Variants in PATJ observed in about 807,000 individuals in gnomAD.
PATJ encodes inaD-like protein.
A neutral mutation model predicts 224.9 loss-of-function variants in PATJ; 190 were observed. That is an observed-to-expected ratio of 0.84 (90% confidence interval 0.75 to 0.95). The LOEUF (loss-of-function observed/expected upper bound fraction) is 0.95, where lower values mean the gene tolerates loss of function less well. Ranked by LOEUF, PATJ falls within the 40% of genes least tolerant of loss-of-function variation. The probability of loss-of-function intolerance (pLI) is 0.00; values close to 1 mark genes in which losing one functional copy is unlikely to be tolerated. For synonymous variants in PATJ, 769 were observed against 820.3 expected, an observed-to-expected ratio of 0.94 and a Z score of 1.07; for missense variants, 2,121 against 2,270.3, an observed-to-expected ratio of 0.93 and a Z score of 1.34.
chr1:61,776,917 G>C (rs1646944628), intron 7 of PATJ, among the ~76,000 whole-genome samples: 1 of 151,976 alleles, frequency 6.6e-6, no homozygotes, highest in African/African-American at 2.4e-5. Flanking sequence ...AGTAGAGACG[G>C]GGTTTCACCG....
Position 62,128,867 on chromosome 1 carries a change from CGGG to C in PATJ, c.5194_5196del (p.Gly1732del). ...TTGGAGATCGGATTGTCAGCATTAACGGGCAACCTTTGGATGGGCTGTCTCACG... is the reference window on the plus strand; with the variant it reads ...TTGGAGATCGGATTGTCAGCATTAACCAACCTTTGGATGGGCTGTCTCACG... On this transcript the variant is annotated inframe_deletion, in exon 41 of 44. Coordinates refer to ENST00000642238, the MANE Select transcript of PATJ (RefSeq NM_001350145.3). 6.2e-7 allele frequency: 1 copy of C among 1,612,624 alleles called. No homozygotes were observed. Among genetic ancestry groups the C allele is most frequent in the South Asian group, 1.1e-5 (1 of 90,972 alleles).
intron 27 of PATJ, among the ~76,000 whole-genome samples, chr1:61,948,160 C>T (rs558963700): frequency 6.6e-6 from 1 of 152,280 alleles, no homozygotes; most frequent in South Asian, 2.1e-4. Context: ...TGGACAAGGA[C>T]TTCATGTCTA....
intron 41 of PATJ, among the ~76,000 whole-genome samples, chr1:62,137,249 A>C (rs1445130039): frequency 6.6e-6 from 1 of 151,460 alleles, no homozygotes; most frequent in African/African-American, 2.4e-5. Context: ...ATGAAAATAA[A>C]TATCTTCTTA....
At chr1:62,024,483 A>T (rs150915238) in intron 29 of PATJ, among the ~76,000 whole-genome samples, 322 of 152,224 alleles carry the variant, frequency 2.1e-3, no homozygotes, top group African/African-American at 7.4e-3. Flanking sequence ...ATATTAGCTT[A>T]CAGGAATTAT....
chr1:62,157,523 G>A (rs1669356319), intron 43 of PATJ, among the ~76,000 whole-genome samples: 1 of 148,624 alleles, frequency 6.7e-6, no homozygotes, highest in Admixed American at 7.1e-5. Context: ...TCAGGTATCC[G>A]GTTGAAAACT....
chr1:61,967,334 A>G (rs1682318963), intron 27 of PATJ, among the ~76,000 whole-genome samples: 1 of 152,216 alleles, frequency 6.6e-6, no homozygotes, highest in Non-Finnish European at 1.5e-5. Context: ...CTTGCTTTTG[A>G]TAGTTAAACT....
intron 18 of PATJ, among the ~76,000 whole-genome samples, chr1:61,860,927 T>C (rs1664439552): frequency 6.6e-6 from 1 of 151,914 alleles, no homozygotes; most frequent in African/African-American, 2.4e-5. Context: ...TTGGGATATG[T>C]AGCGTTTGGC....
At chr1:61,835,026 G>A (rs897513094) in intron 17 of PATJ, among the ~76,000 whole-genome samples, 2 of 152,186 alleles carry the variant, frequency 1.3e-5, no homozygotes, top group African/African-American at 4.8e-5. Context: ...ACTGTGCTCA[G>A]TCTAAATTCT....
At chr1:61,975,366 T>C (rs1644072543) in intron 27 of PATJ, among the ~76,000 whole-genome samples, 1 of 152,102 alleles carries the variant, frequency 6.6e-6, no homozygotes, top group Non-Finnish European at 1.5e-5. Flanking sequence ...ATGCTTTTGA[T>C]AGTACCTAAT....
At chr1:61,955,589 T>C (rs1325982162) in intron 27 of PATJ, among the ~76,000 whole-genome samples, 1 of 152,246 alleles carries the variant, frequency 6.6e-6, no homozygotes, top group East Asian at 1.9e-4. Flanking sequence ...ATAGAAATTA[T>C]AGTGATAGCT....
chr1:62,149,506 C>A (rs1480345246), intron 42 of PATJ, among the ~76,000 whole-genome samples: 1 of 151,972 alleles, frequency 6.6e-6, no homozygotes, highest in African/African-American at 2.4e-5. Context: ...AAATTAAGCT[C>A]ATTCTACCTT....
intron 27 of PATJ, among the ~76,000 whole-genome samples, chr1:61,958,892 G>A (rs1226209750): frequency 2.0e-5 from 3 of 152,096 alleles, no homozygotes; most frequent in African/African-American, 7.2e-5. Context: ...GGGAGTGGAT[G>A]TTCTGTTTTG....
rs750923911 is a variant in PATJ, at chr1:62,128,031, T to TA, written c.5104dup (p.Ile1702AsnfsTer11). On this transcript the variant is annotated frameshift_variant, in exon 40 of 44. Coordinates refer to ENST00000642238, the MANE Select transcript of PATJ (RefSeq NM_001350145.3). LOFTEE classifies it high-confidence loss of function. The stretch of plus-strand genomic sequence containing the variant: ...GAGGAAGAGGAAGTCCCTTAGGAGA[T>TA]ATCCCCGTATTTATTGCCATGATTC... 4.3e-6 allele frequency: 7 copies of TA among 1,614,130 alleles called. No homozygotes were observed. In the East Asian group the frequency reaches 1.6e-4, roughly 36 times the overall value.
chr1:62,045,094 G>A lies in PATJ; in HGVS notation c.4033-5872G>A, dbSNP rs563629851. 1.3e-4 allele frequency among the ~76,000 whole-genome samples: 20 copies of A among 152,098 alleles called. No individual in the cohort carries two copies. The South Asian group carries it at 1.5e-3, about 11-fold the overall frequency. On this transcript the variant is annotated intron_variant, in intron 30 of 43. Coordinates refer to ENST00000642238, the MANE Select transcript of PATJ (RefSeq NM_001350145.3). ...AAATTAGCTGGGTGTGGTGGCGTGC[G>A]CCTGTAATCTCAGCTACTCGGGAGG...
At chr1:61,838,786 C>T (rs1348888733) in intron 17 of PATJ, among the ~76,000 whole-genome samples, 1 of 152,082 alleles carries the variant, frequency 6.6e-6, no homozygotes, top group African/African-American at 2.4e-5. Context: ...TTAGTTATCT[C>T]TGTCTTCTTT....
chr1:61,942,817 A>C (rs1022387057), intron 27 of PATJ, among the ~76,000 whole-genome samples: 8 of 152,064 alleles, frequency 5.3e-5, no homozygotes, highest in Non-Finnish European at 1.0e-4. Flanking sequence ...CTAAAGTGCT[A>C]GGATTACAGG....
Position 62,086,788 on chromosome 1 carries a change from C to T in PATJ, c.4377+2140C>T, listed in dbSNP as rs565289851. Among the ~76,000 whole-genome samples the T allele has an allele frequency of 1.3e-5, 2 of 152,148 alleles. No homozygotes were observed. The highest frequency in any genetic ancestry group is 6.5e-5 in the Admixed American group (1 of 15,268). ...CAACAGGGGTACTGTTTACTTGGAGCGCCTCGCTCAGCCTGTTGTAGGATG... is the reference window on the plus strand; with the variant it reads ...CAACAGGGGTACTGTTTACTTGGAGTGCCTCGCTCAGCCTGTTGTAGGATG... On this transcript the variant is annotated intron_variant, in intron 33 of 43. Coordinates refer to ENST00000642238, the MANE Select transcript of PATJ (RefSeq NM_001350145.3). The surrounding 1 kb of genome is among the most constrained non-coding windows in gnomAD (Gnocchi z 4.0).
intron 21 of PATJ, among the ~76,000 whole-genome samples, chr1:61,879,978 A>G (rs56721982): frequency 0.068 from 10,327 of 152,092 alleles, 468 homozygotes; most frequent in South Asian, 0.16. Context: ...AGCTGGGATT[A>G]CAGGCACACG....
chr1:61,833,595 A>T, intron 16 of PATJ, 59 bp from the exon 17 acceptor site: 8 of 1,510,990 alleles, frequency 5.3e-6, no homozygotes, highest in Non-Finnish European at 7.1e-6. Context: ...TGATGTGTGC[A>T]TTCTTTTCAG....
Sources: gnomAD v4.1 joint callset for allele counts (sites outside exome capture counted in the v4.1 genomes callset) on GRCh38, gnomAD v4.1.1 for gene constraint, Gnocchi (gnomAD v3.1) non-coding constraint, MANE v1.5 for transcripts, NCBI Gene and HGNC (gene_info 2026-07-23, HGNC 2026-07-21) for gene names.